The following RGS7 variants were observed in gnomAD, a reference collection of about 807,000 sequenced individuals.
The protein encoded by RGS7 is regulator of G-protein signaling 7.
A neutral mutation model predicts 81.1 loss-of-function variants in RGS7; 27 were observed. The observed-to-expected ratio is 0.33, with a 90% CI of 0.25 to 0.46. The LOEUF (loss-of-function observed/expected upper bound fraction) is 0.46. Among genes scored for constraint, RGS7 ranks in the 20% least tolerant of loss-of-function variants. The pLI is 1.00. For missense variants in RGS7, 396 were observed against 607.4 expected (o/e 0.65, Z 3.66); for synonymous variants, 208 against 207.7 (o/e 1.00, Z -0.01).
At chr1:241,304,321 G>A (rs2079950043) in intron 2 of RGS7, among the ~76,000 whole-genome samples, 1 of 152,174 alleles carries the variant, frequency 6.6e-6, no homozygotes, top group African/African-American at 2.4e-5. Flanking sequence ...AATCTAGGAG[G>A]GTGTTATGGC....
intron 6 of RGS7, among the ~76,000 whole-genome samples, chr1:240,871,290 G>C (rs967232794): frequency 6.6e-6 from 1 of 152,186 alleles, no homozygotes; most frequent in Non-Finnish European, 1.5e-5. Context: ...ACCTCTGTGA[G>C]TTTGCCTTGG....
At chr1:241,085,321 G>C (rs1293727342) in intron 3 of RGS7, among the ~76,000 whole-genome samples, 1 of 152,148 alleles carries the variant, frequency 6.6e-6, no homozygotes, top group African/African-American at 2.4e-5. Context: ...GATAGGCTGG[G>C]GGCAGTGGTG....
At chr1:241,159,800 A>AAGGGAG (rs1395874981) in intron 2 of RGS7, among the ~76,000 whole-genome samples, 1 of 151,916 alleles carries the variant, frequency 6.6e-6, no homozygotes, top group Non-Finnish European at 1.5e-5. Flanking sequence ...GAAGAGGAGA[A>AAGGGAG]AGGGAGAGGG....
chr1:240,823,186 A>C, intron 10 of RGS7: 1 of 996,206 alleles, frequency 1.0e-6, no homozygotes, highest in Non-Finnish European at 1.6e-6. Flanking sequence ...GAAGGTATGC[A>C]GGATAAGCGT....
At chr1:241,326,981 A>AGAGAG (rs2081535216) in intron 2 of RGS7, among the ~76,000 whole-genome samples, 1 of 125,032 alleles carries the variant, frequency 8.0e-6, no homozygotes, top group South Asian at 3.1e-4. Flanking sequence ...AGAGAGAGAG[A>AGAGAG]AGAAAGGCAG....
chr1:241,138,250 T>C lies in RGS7; in HGVS notation c.79-39488A>G, dbSNP rs187381541. Among the ~76,000 whole-genome samples, 341 of 149,606 alleles carry C rather than the reference T, an allele frequency of 2.3e-3. 2 individuals carry two copies. Among genetic ancestry groups the C allele is most frequent in the South Asian group, 0.02 (94 of 4,676 alleles). Reference sequence around the variant, plus strand: ...TAATCAAGCCCTAAATTTAATATAATCAAGAACCAAAAGTTATAACACAGG... The same window carrying C: ...TAATCAAGCCCTAAATTTAATATAACCAAGAACCAAAAGTTATAACACAGG... On this transcript the variant is annotated intron_variant, in intron 2 of 18. Coordinates refer to ENST00000440928, the MANE Select transcript of RGS7 (RefSeq NM_001364886.1).
chr1:241,177,538 C>T (rs575632455), intron 2 of RGS7, among the ~76,000 whole-genome samples: 110 of 152,074 alleles, frequency 7.2e-4, no homozygotes, highest in African/African-American at 2.5e-3. Flanking sequence ...AACAGTGATG[C>T]GACTAGTGAT....
chr1:241,188,285 T>TCACA (rs59722851), intron 2 of RGS7, among the ~76,000 whole-genome samples: 3,756 of 148,114 alleles, frequency 0.025, 115 homozygotes, highest in African/African-American at 0.08. Context: ...TCTTTTATCC[T>TCACA]CACACACACA....
At chr1:241,067,129 C>G (rs910275270) in intron 3 of RGS7, among the ~76,000 whole-genome samples, 2 of 152,140 alleles carry the variant, frequency 1.3e-5, no homozygotes, top group African/African-American at 2.4e-5. Context: ...GAAATTATCT[C>G]TACTATGTGT....
At chr1:240,914,459 C>T (rs1672267701) in intron 6 of RGS7, among the ~76,000 whole-genome samples, 1 of 152,050 alleles carries the variant, frequency 6.6e-6, no homozygotes, top group Non-Finnish European at 1.5e-5. Flanking sequence ...TTTTCCATGA[C>T]ACTAATGGCT....
chr1:241,109,726 G>A (rs1482827060), intron 2 of RGS7, among the ~76,000 whole-genome samples: 1 of 152,110 alleles, frequency 6.6e-6, no homozygotes, highest in African/African-American at 2.4e-5. Flanking sequence ...GGGAGGCTGA[G>A]GCAGGTGGAT....
chr1:241,344,983 T>C (rs2082796287), intron 2 of RGS7, among the ~76,000 whole-genome samples: 1 of 152,180 alleles, frequency 6.6e-6, no homozygotes, highest in African/African-American at 2.4e-5. Context: ...GGAATTAACA[T>C]AAATGCCCAT....
At chr1:241,006,448 C>T (rs924355850) in intron 3 of RGS7, among the ~76,000 whole-genome samples, 1 of 152,088 alleles carries the variant, frequency 6.6e-6, no homozygotes, top group Non-Finnish European at 1.5e-5. Flanking sequence ...ATATCAAGCT[C>T]GCTAGACAAG....
chr1:240,800,435 C>A (rs1687845500), intron 18 of RGS7, among the ~76,000 whole-genome samples: 1 of 152,078 alleles, frequency 6.6e-6, no homozygotes, highest in African/African-American at 2.4e-5. Context: ...TAACATTCCC[C>A]ACCACAAGGA....
intron 10 of RGS7, among the ~76,000 whole-genome samples, chr1:240,819,558 G>T (rs1200385668): frequency 1.3e-5 from 2 of 152,096 alleles, no homozygotes; most frequent in African/African-American, 4.8e-5. Context: ...GGCCAACATG[G>T]TGAAACCCCA....
At chr1:240,859,445 T>G (rs970108427) in intron 9 of RGS7, among the ~76,000 whole-genome samples, 1 of 149,560 alleles carries the variant, frequency 6.7e-6, no homozygotes, top group Admixed American at 6.6e-5. Context: ...TTCCTGTTTT[T>G]TTTTTTTTTT....
At chr1:240,836,687 GAATCAGAGCATTTCCAACACA>G (rs1694788159) in intron 9 of RGS7, among the ~76,000 whole-genome samples, 1 of 152,196 alleles carries the variant, frequency 6.6e-6, no homozygotes, top group African/African-American at 2.4e-5. Context: ...TGAAGATCAC[GAATCAGAGCATTTCCAACACA>G]AATGCCTGTA....
intron 3 of RGS7, among the ~76,000 whole-genome samples, chr1:241,056,913 C>T (rs2061501841): frequency 6.6e-6 from 1 of 152,124 alleles, no homozygotes; most frequent in African/African-American, 2.4e-5. Flanking sequence ...TAATGGATTC[C>T]ACTTTTCTTA....
intron 3 of RGS7, among the ~76,000 whole-genome samples, chr1:241,093,052 AT>A (rs532798634): frequency 6.6e-6 from 1 of 152,108 alleles, no homozygotes. Flanking sequence ...CAAAGACACA[AT>A]TTTTTAGTAG....
Sources: gnomAD v4.1 joint callset for allele counts (sites outside exome capture counted in the v4.1 genomes callset) on GRCh38, gnomAD v4.1.1 for gene constraint, MANE v1.5 for transcripts, NCBI Gene and HGNC (gene_info 2026-07-23, HGNC 2026-07-21) for gene names.